The following RASGEF1B variants were observed in gnomAD, a reference collection of about 807,000 sequenced individuals.
RASGEF1B encodes the protein ras-GEF domain-containing family member 1B.
A neutral mutation model predicts 65.7 loss-of-function variants in RASGEF1B; 30 were observed. The ratio of observed to expected loss-of-function variants is 0.46; its 90% confidence interval spans 0.34 to 0.62. RASGEF1B has a LOEUF of 0.62. Ranked by LOEUF, RASGEF1B falls within the 20% of genes least tolerant of loss-of-function variation. The probability of loss-of-function intolerance (pLI) is 0.01; values close to 1 mark genes in which losing one functional copy is unlikely to be tolerated. For missense variants in RASGEF1B, 495 were observed against 580.1 expected (o/e 0.85, Z 1.51); for synonymous variants, 175 against 194.8 (o/e 0.90, Z 0.85).
At chr4:81,451,813 G>A (rs1219651906) in intron 4 of RASGEF1B, 1 of 152,170 alleles carries the variant, frequency 6.6e-6, no homozygotes, top group Non-Finnish European at 1.5e-5. Context: ...GCTATTCCAT[G>A]CATGTTATCA....
rs188358630 is a variant in RASGEF1B, at chr4:81,440,086, G to A, written c.1104+748C>T. Among the ~76,000 whole-genome samples the A allele has an allele frequency of 5.3e-5, 8 of 152,200 alleles. No homozygotes were observed. The East Asian group carries it at 1.5e-3, about 29-fold the overall frequency. ...TATAGTTTAAGTTAAAAGACAGATGGAATCTAAACCGAAAATAACCTCCAT... is the reference window on the plus strand; with the variant it reads ...TATAGTTTAAGTTAAAAGACAGATGAAATCTAAACCGAAAATAACCTCCAT... On this transcript the variant is annotated intron_variant, in intron 10 of 13. Coordinates refer to ENST00000264400, the MANE Select transcript of RASGEF1B (RefSeq NM_152545.3).
intron 4 of RASGEF1B, among the ~76,000 whole-genome samples, chr4:81,448,602 G>A (rs186408178): frequency 2.0e-5 from 3 of 152,248 alleles, no homozygotes; most frequent in East Asian, 3.9e-4. Flanking sequence ...ATAACTGAAT[G>A]TCCTCTGTTC....
At position 81,426,747 on chromosome 4, in the gene RASGEF1B, C is replaced by A. The variant is rs149903706; in HGVS notation, c.*1021G>T. 32 of 152,156 alleles carry A rather than the reference C, an allele frequency of 2.1e-4. No homozygotes were observed. Among genetic ancestry groups the A allele is most frequent in the African/African-American group, 7.5e-4 (31 of 41,522 alleles). 9.4% of individuals were successfully genotyped at this position (152,156 alleles called of 1,614,324 possible). A position where few individuals can be genotyped will look rare whatever the true frequency, so the allele number is the denominator to read the frequency against. On this transcript the variant is annotated 3_prime_UTR_variant, in exon 14 of 14. Transcript: ENST00000264400. The stretch of plus-strand genomic sequence containing the variant: ...CTGCTATAGTGGGGACAGGTAACTT[C>A]TCCAATTTATTCTTTGTTGACATCT...
chr4:81,463,379 A>G (rs1409463762), intron 1 of RASGEF1B, among the ~76,000 whole-genome samples: 1 of 152,212 alleles, frequency 6.6e-6, no homozygotes, highest in Non-Finnish European at 1.5e-5. Flanking sequence ...GTAAGAAAAC[A>G]TGTTTACTTA....
At chr4:81,440,135 T>C (rs895735988) in intron 10 of RASGEF1B, among the ~76,000 whole-genome samples, 1 of 152,220 alleles carries the variant, frequency 6.6e-6, no homozygotes, top group African/African-American at 2.4e-5. Context: ...TTAACCCAGT[T>C]ACCATAACTA....
At chr4:81,434,950 G>C (rs1000656377) in intron 10 of RASGEF1B, among the ~76,000 whole-genome samples, 18 of 152,164 alleles carry the variant, frequency 1.2e-4, no homozygotes, top group Non-Finnish European at 2.6e-4. Flanking sequence ...GCAAGGACAA[G>C]TAGCAATGGG....
intron 1 of RASGEF1B, among the ~76,000 whole-genome samples, chr4:81,461,593 T>C (rs111442010): frequency 6.6e-6 from 1 of 152,222 alleles, no homozygotes; most frequent in African/African-American, 2.4e-5. Flanking sequence ...AGAAATCACC[T>C]GGCCCAGTAT....
At chr4:81,459,624 TAAAA>T in intron 1 of RASGEF1B, 110 bp from the exon 2 acceptor site, 3 of 825,212 alleles carry the variant, frequency 3.6e-6, no homozygotes, top group Non-Finnish European at 5.4e-6. Context: ...AATAGGCAAT[TAAAA>T]TAGTAGTTCA....
intron 1 of RASGEF1B, among the ~76,000 whole-genome samples, chr4:81,460,270 C>G (rs1722597093): frequency 6.6e-6 from 1 of 152,170 alleles, no homozygotes; most frequent in African/African-American, 2.4e-5. Flanking sequence ...GTGTACTTTG[C>G]AGTTCACAAA....
At chr4:81,466,525 T>G (rs559069327) in intron 1 of RASGEF1B, among the ~76,000 whole-genome samples, 2 of 151,850 alleles carry the variant, frequency 1.3e-5, no homozygotes, top group South Asian at 4.1e-4. Flanking sequence ...TTTGGGAGGC[T>G]GAGGTGGGCA....
intron 1 of RASGEF1B, among the ~76,000 whole-genome samples, chr4:81,468,305 C>T (rs985377670): frequency 3.3e-5 from 5 of 151,968 alleles, no homozygotes; most frequent in Admixed American, 6.6e-5. Context: ...GATAATTTTC[C>T]AGCTGTGAGT....
intron 9 of RASGEF1B, among the ~76,000 whole-genome samples, 154 bp downstream of exon 9, chr4:81,442,143 C>T (rs1721860177): frequency 6.6e-6 from 1 of 152,132 alleles, no homozygotes; most frequent in Admixed American, 6.5e-5. Flanking sequence ...TTTATTTTCC[C>T]CTCCAATTCT....
intron 13 of RASGEF1B, among the ~76,000 whole-genome samples, chr4:81,431,816 A>G (rs754924666): frequency 6.6e-6 from 1 of 151,996 alleles, no homozygotes; most frequent in Non-Finnish European, 1.5e-5. Context: ...AAAGTTGTAA[A>G]TCTGAAAAAT....
At position 81,432,348 on chromosome 4, in the gene RASGEF1B, T is replaced by G; in HGVS notation, c.1348A>C (p.Ser450Arg). The G allele has an allele frequency of 1.2e-6, 2 of 1,609,786 alleles. No individual in the cohort carries two copies. The highest frequency in any genetic ancestry group is 1.7e-6 in the Non-Finnish European group (2 of 1,176,604). Reference protein sequence around the residue: ...EDALYLASYESEGPENHIEKD... With the variant: ...EDALYLASYEREGPENHIEKD... Reference sequence around the variant, plus strand: ...TCTATATGATTTTCAGGTCCTTCACTCTCATAAGAAGCCAAGTAGAGAGCT... The same window carrying G: ...TCTATATGATTTTCAGGTCCTTCACGCTCATAAGAAGCCAAGTAGAGAGCT... The change falls in exon 13 of 14, where the codon AGT becomes CGT. Residue 450 changes from serine to arginine, a missense_variant. Coordinates refer to ENST00000264400, the MANE Select transcript of RASGEF1B (RefSeq NM_152545.3).
intron 4 of RASGEF1B, among the ~76,000 whole-genome samples, chr4:81,450,485 C>A (rs1255984342): frequency 2.6e-5 from 4 of 152,180 alleles, no homozygotes; most frequent in Non-Finnish European, 5.9e-5. Flanking sequence ...CGTGCCTCAG[C>A]CTCCTGAATA....
intron 6 of RASGEF1B, 54 bp downstream of exon 6, chr4:81,447,450 G>A: frequency 7.7e-7 from 1 of 1,290,774 alleles, no homozygotes; most frequent in Non-Finnish European, 1.1e-6. Context: ...CACTATCATA[G>A]ACTGATAAAT....
At chr4:81,442,252 C>T in intron 9 of RASGEF1B, 45 bp downstream of exon 9, 1 of 1,245,316 alleles carries the variant, frequency 8.0e-7, no homozygotes, top group Non-Finnish European at 1.2e-6. Flanking sequence ...TTCCACTTTC[C>T]AGGTGTAAAG....
chr4:81,433,700 C>A, intron 12 of RASGEF1B, 140 bp downstream of exon 12: 1 of 771,394 alleles, frequency 1.3e-6, no homozygotes, highest in Admixed American at 2.8e-5. Context: ...CATACATTTT[C>A]TGTGAAACAG....
At chr4:81,469,038 T>C (rs924756733) in intron 1 of RASGEF1B, among the ~76,000 whole-genome samples, 1 of 152,172 alleles carries the variant, frequency 6.6e-6, no homozygotes, top group African/African-American at 2.4e-5. Context: ...GTTGCATGGA[T>C]CTTTTTTGTA....
Sources: allele counts gnomAD v4.1 joint callset (sites outside exome capture counted in the v4.1 genomes callset), GRCh38; gene constraint gnomAD v4.1.1; transcripts MANE v1.5; gene names NCBI Gene and HGNC (gene_info 2026-07-23, HGNC 2026-07-21).